The following CBL variants were observed in gnomAD, a reference collection of about 807,000 sequenced individuals.
The protein encoded by CBL is Cbl proto-oncogene.
Under a neutral mutation model 96.9 loss-of-function variants are expected in CBL, and 45 were observed. The ratio of observed to expected loss-of-function variants is 0.46; its 90% CI spans 0.37 to 0.60. CBL has a LOEUF of 0.60. CBL is among the 20% of genes least tolerant of loss of function. CBL has a pLI of 0.00. For missense variants in CBL, 1,024 were observed against 1,143.5 expected (o/e 0.90, Z 1.51); for synonymous variants, 420 against 426.8 (o/e 0.98, Z 0.20).
intron 11 of CBL, among the ~76,000 whole-genome samples, 162 bp downstream of exon 11, chr11:119,285,728 T>A (rs1268912496): frequency 1.3e-5 from 2 of 152,112 alleles, no homozygotes; most frequent in Non-Finnish European, 2.9e-5. Context: ...AAACCCTGTC[T>A]CTACAAAAAT....
chr11:119,298,944 A>G (rs1246877494), intron 15 of CBL, among the ~76,000 whole-genome samples: 2 of 152,178 alleles, frequency 1.3e-5, no homozygotes, highest in Non-Finnish European at 2.9e-5. Context: ...TTGGGCCTTG[A>G]CTACTGGAGG....
At chr11:119,226,958 ACTGACCTTT>A (rs1949464182) in intron 1 of CBL, among the ~76,000 whole-genome samples, 1 of 152,024 alleles carries the variant, frequency 6.6e-6, no homozygotes, top group Non-Finnish European at 1.5e-5. Context: ...CTTTAATCTC[ACTGACCTTT>A]CTATTCTTCA....
intron 2 of CBL, among the ~76,000 whole-genome samples, chr11:119,237,330 A>G (rs1025101078): frequency 1.3e-5 from 2 of 152,234 alleles, no homozygotes; most frequent in African/African-American, 4.8e-5. Flanking sequence ...GACCAGATAC[A>G]TGATTTGCAA....
chr11:119,217,340 T>C (rs1053898342), intron 1 of CBL, among the ~76,000 whole-genome samples: 3 of 152,190 alleles, frequency 2.0e-5, no homozygotes, highest in Admixed American at 1.3e-4. Flanking sequence ...CTCGAACTGC[T>C]GACCTCAGGT....
At chr11:119,259,689 C>T (rs1785070014) in intron 2 of CBL, among the ~76,000 whole-genome samples, 1 of 152,028 alleles carries the variant, frequency 6.6e-6, no homozygotes, top group African/African-American at 2.4e-5. Flanking sequence ...TTTCATCAAG[C>T]TTATATAAAA....
intron 1 of CBL, among the ~76,000 whole-genome samples, chr11:119,208,421 G>C (rs999146365): frequency 6.7e-6 from 1 of 148,164 alleles, no homozygotes; most frequent in Non-Finnish European, 1.5e-5. Context: ...GGAGTTTTTC[G>C]CTCTTGTTAC....
At chr11:119,215,195 G>T (rs1949349462) in intron 1 of CBL, among the ~76,000 whole-genome samples, 1 of 152,046 alleles carries the variant, frequency 6.6e-6, no homozygotes, top group Non-Finnish European at 1.5e-5. Flanking sequence ...TGAAGTTTTT[G>T]CTGACTCTTG....
intron 1 of CBL, among the ~76,000 whole-genome samples, chr11:119,218,784 A>AT (rs1949383448): frequency 6.6e-6 from 1 of 152,226 alleles, no homozygotes; most frequent in African/African-American, 2.4e-5. Flanking sequence ...AAGAGTAATG[A>AT]TGTCGGCATT....
rs185165509 is a variant in CBL at position 119,209,881 on chromosome 11, C to G, written c.195+3269C>G. 6.6e-5 allele frequency among the ~76,000 whole-genome samples: 10 copies of G among 152,292 alleles called. No homozygotes were observed. In the East Asian group the frequency reaches 1.9e-3, roughly 29 times the overall value. On this transcript the variant is annotated intron_variant, in intron 1 of 15. Transcript: ENST00000264033. ...TTACTAATCCATTATGGAACTTAAA[C>G]TTAACTGTTGGAAAAATGTTTGTGC...
intron 1 of CBL, among the ~76,000 whole-genome samples, chr11:119,210,272 C>G (rs776522124): frequency 7.9e-5 from 12 of 152,000 alleles, no homozygotes; most frequent in Non-Finnish European, 1.5e-4. Context: ...CCTCTAAGCT[C>G]GAGCTGCTTG....
chr11:119,274,049 A>G, intron 4 of CBL, 25 bp downstream of exon 4: 1 of 1,593,326 alleles, frequency 6.3e-7, no homozygotes. Context: ...AAGTTGACTA[A>G]ACTGGTTACT....
intron 1 of CBL, among the ~76,000 whole-genome samples, chr11:119,210,736 G>C (rs1469961415): frequency 6.6e-6 from 1 of 150,508 alleles, no homozygotes; most frequent in East Asian, 2.0e-4. Flanking sequence ...TAACAGGCAT[G>C]AGCCACCGCG....
At chr11:119,249,065 C>A (rs1252941544) in intron 2 of CBL, among the ~76,000 whole-genome samples, 1 of 152,072 alleles carries the variant, frequency 6.6e-6, no homozygotes, top group Non-Finnish European at 1.5e-5. Context: ...ATAGAATTAC[C>A]ATAGGATCTA....
chr11:119,214,790 TAAC>T (rs1949345188), intron 1 of CBL, among the ~76,000 whole-genome samples: 1 of 152,086 alleles, frequency 6.6e-6, no homozygotes, highest in African/African-American at 2.4e-5. Flanking sequence ...TTCAGTTTAT[TAAC>T]ATCTCTCTCT....
chr11:119,236,536 GT>G (rs935221966), intron 2 of CBL, among the ~76,000 whole-genome samples: 2 of 149,906 alleles, frequency 1.3e-5, no homozygotes. Flanking sequence ...TTATGTGCCA[GT>G]TTTTGTATGG....
At chr11:119,223,663 T>G (rs1302213964) in intron 1 of CBL, among the ~76,000 whole-genome samples, 1 of 151,178 alleles carries the variant, frequency 6.6e-6, no homozygotes, top group Admixed American at 6.6e-5. Context: ...TCTCTCTCTC[T>G]GTTGCCAGGC....
chr11:119,290,284 G>C (rs1950015772), intron 12 of CBL, among the ~76,000 whole-genome samples: 2 of 152,046 alleles, frequency 1.3e-5, no homozygotes, highest in African/African-American at 4.8e-5. Flanking sequence ...GGGCTCAAGA[G>C]GTTTGCCCGC....
At chr11:119,257,249 C>G (rs1949718718) in intron 2 of CBL, among the ~76,000 whole-genome samples, 1 of 152,226 alleles carries the variant, frequency 6.6e-6, no homozygotes, top group Non-Finnish European at 1.5e-5. Flanking sequence ...TTCCCTTTCA[C>G]TATGTACACA....
At chr11:119,282,629 T>C (rs897718509) in intron 9 of CBL, among the ~76,000 whole-genome samples, 18 of 152,162 alleles carry the variant, frequency 1.2e-4, no homozygotes, top group Admixed American at 5.2e-4. Context: ...TTAGAAAGAC[T>C]TGTGAAAGCT....
Sources: gnomAD v4.1 joint callset for allele counts (sites outside exome capture counted in the v4.1 genomes callset) on GRCh38, gnomAD v4.1.1 for gene constraint, MANE v1.5 for transcripts, NCBI Gene and HGNC (gene_info 2026-07-23, HGNC 2026-07-21) for gene names.